The following SGMS1 variants were observed in gnomAD, a reference collection of about 807,000 sequenced individuals.
SGMS1 encodes the protein phosphatidylcholine:ceramide cholinephosphotransferase 1.
A neutral mutation model predicts 46.2 loss-of-function variants in SGMS1; 13 were observed. The observed-to-expected ratio is 0.28, with a 90% CI of 0.18 to 0.45. The LOEUF is 0.45. Ranked by LOEUF, SGMS1 falls within the 20% of genes least tolerant of loss-of-function variation. SGMS1 has a pLI of 1.00. For synonymous variants in SGMS1, 203 were observed against 187.8 expected (o/e 1.08, Z -0.66); for missense variants, 324 against 519.9 (o/e 0.62, Z 3.66).
chr10:50,475,194 T>C (rs1205448342), intron 3 of SGMS1, among the ~76,000 whole-genome samples: 1 of 152,230 alleles, frequency 6.6e-6, no homozygotes, highest in Non-Finnish European at 1.5e-5. Context: ...CCGGTAGAGA[T>C]ATGATTGATA....
intron 7 of SGMS1, among the ~76,000 whole-genome samples, chr10:50,332,129 C>G (rs1308260919): frequency 6.6e-6 from 1 of 152,162 alleles, no homozygotes; most frequent in Non-Finnish European, 1.5e-5. Flanking sequence ...TTCCCAAGAC[C>G]CTGAGGCCCT....
chr10:50,413,983 T>A (rs1849134572), intron 6 of SGMS1, among the ~76,000 whole-genome samples: 1 of 152,270 alleles, frequency 6.6e-6, no homozygotes, highest in South Asian at 2.1e-4. Context: ...TAAAAGTTTT[T>A]AATTTTTTAA....
intron 6 of SGMS1, among the ~76,000 whole-genome samples, chr10:50,346,532 A>G (rs1291837841): frequency 6.6e-6 from 1 of 152,186 alleles, no homozygotes; most frequent in Non-Finnish European, 1.5e-5. Context: ...GCCTAGGAAT[A>G]CATACTATAA....
chr10:50,320,713 T>G (rs1202849000), intron 8 of SGMS1, among the ~76,000 whole-genome samples: 2 of 152,218 alleles, frequency 1.3e-5, no homozygotes, highest in Non-Finnish European at 2.9e-5. Flanking sequence ...CTTGACCTTA[T>G]TCCCCAATTC....
At chr10:50,444,402 C>T (rs528542376) in intron 5 of SGMS1, among the ~76,000 whole-genome samples, 19 of 152,262 alleles carry the variant, frequency 1.2e-4, no homozygotes, top group Admixed American at 9.2e-4. Context: ...GGCATAAGGA[C>T]AGATGAATAG....
At chr10:50,445,915 T>C (rs1305319919) in intron 5 of SGMS1, among the ~76,000 whole-genome samples, 1 of 152,150 alleles carries the variant, frequency 6.6e-6, no homozygotes, top group Non-Finnish European at 1.5e-5. Flanking sequence ...AGAAAGAGAA[T>C]GCATTTCTAA....
At chr10:50,506,707 A>G (rs1357219895) in intron 3 of SGMS1, among the ~76,000 whole-genome samples, 1 of 152,222 alleles carries the variant, frequency 6.6e-6, no homozygotes, top group Non-Finnish European at 1.5e-5. Context: ...TTTAAATTAA[A>G]GATAATGGGA....
chr10:50,448,773 C>T (rs1400098089), intron 5 of SGMS1, among the ~76,000 whole-genome samples: 1 of 142,632 alleles, frequency 7.0e-6, no homozygotes, highest in African/African-American at 2.6e-5. Context: ...AATGAAAAGA[C>T]ATATACACAC....
chr10:50,557,735 A>T (rs1838200527), intron 2 of SGMS1, among the ~76,000 whole-genome samples: 1 of 151,814 alleles, frequency 6.6e-6, no homozygotes, highest in South Asian at 2.1e-4. Context: ...TGTTAGGTTT[A>T]TATGAGCTTA....
At chr10:50,557,705 G>T (rs1838200188) in intron 2 of SGMS1, among the ~76,000 whole-genome samples, 1 of 148,830 alleles carries the variant, frequency 6.7e-6, no homozygotes, top group Non-Finnish European at 1.5e-5. Context: ...AAAAAAAATG[G>T]CAGCCAAAAA....
At chr10:50,412,630 A>C (rs750500793) in intron 6 of SGMS1, among the ~76,000 whole-genome samples, 1 of 152,242 alleles carries the variant, frequency 6.6e-6, no homozygotes, top group African/African-American at 2.4e-5. Flanking sequence ...CTAAGATGAC[A>C]AAATTGACAC....
intron 6 of SGMS1, among the ~76,000 whole-genome samples, chr10:50,404,864 T>C (rs1465556916): frequency 3.3e-5 from 5 of 152,058 alleles, no homozygotes; most frequent in African/African-American, 9.7e-5. Flanking sequence ...ACCCATAAAA[T>C]AAAATATTGT....
chr10:50,624,300 G>C (rs945760808), upstream of SGMS1, among the ~76,000 whole-genome samples: 15 of 152,156 alleles, frequency 9.9e-5, no homozygotes, highest in African/African-American at 3.1e-4. Context: ...TCACAAAGCA[G>C]GGAACGCAAA....
At chr10:50,448,213 C>T (rs1837049914) in intron 5 of SGMS1, among the ~76,000 whole-genome samples, 1 of 151,986 alleles carries the variant, frequency 6.6e-6, no homozygotes, top group African/African-American at 2.4e-5. Context: ...GATGGCTCCA[C>T]TGCACTTGAG....
chr10:50,397,276 C>T (rs766124597), intron 6 of SGMS1, among the ~76,000 whole-genome samples: 12 of 152,062 alleles, frequency 7.9e-5, no homozygotes, highest in Non-Finnish European at 1.5e-4. Flanking sequence ...AGGATAGATA[C>T]GTGGTCTCTG....
chr10:50,425,390 A>G (rs1305198213), intron 6 of SGMS1, among the ~76,000 whole-genome samples: 1 of 152,248 alleles, frequency 6.6e-6, no homozygotes, highest in Non-Finnish European at 1.5e-5. Flanking sequence ...TGTGGTACAT[A>G]CATGCCATGG....
intron 6 of SGMS1, among the ~76,000 whole-genome samples, chr10:50,380,378 C>CA (rs10646459): frequency 0.052 from 6,334 of 121,454 alleles, 390 homozygotes; most frequent in African/African-American, 0.16. Context: ...GACTCTGTAT[C>CA]AAAAAAAAAA....
intron 6 of SGMS1, among the ~76,000 whole-genome samples, chr10:50,365,992 T>C (rs1848336399): frequency 6.6e-6 from 1 of 151,610 alleles, no homozygotes; most frequent in Non-Finnish European, 1.5e-5. Context: ...TCAAATGGTG[T>C]AAGTAATATG....
chr10:50,484,528 C>T (rs1001826963), intron 3 of SGMS1, among the ~76,000 whole-genome samples: 5 of 152,172 alleles, frequency 3.3e-5, no homozygotes, highest in African/African-American at 1.2e-4. Context: ...AGGAGAAACT[C>T]CTCCCTAACT....
Sources: allele counts gnomAD v4.1 joint callset (sites outside exome capture counted in the v4.1 genomes callset), GRCh38; gene constraint gnomAD v4.1.1; transcripts MANE v1.5; gene names NCBI Gene and HGNC (gene_info 2026-07-23, HGNC 2026-07-21).